ERAP1: variants seen among roughly 807,000 people sequenced by gnomAD.
ERAP1 encodes the protein adipocyte-derived leucine aminopeptidase.
ERAP1 carries 86 observed loss-of-function variants against 103.7 expected under a neutral mutation model. That is an observed-to-expected ratio of 0.83 (90% CI 0.70 to 0.99). The LOEUF (loss-of-function observed/expected upper bound fraction) is 0.99. Among genes scored for constraint, ERAP1 ranks in the 50% least tolerant of loss-of-function variants. The pLI is 0.00. For missense variants in ERAP1, 1,009 were observed against 1,128.4 expected, an observed-to-expected ratio of 0.89 and a Z score of 1.52; for synonymous variants, 398 against 402.4, an observed-to-expected ratio of 0.99 and a Z score of 0.13.
At chr5:96,923,460 C>T in the ERAP1 span, among the ~76,000 whole-genome samples, 3 of 152,032 alleles carry the variant, frequency 2.0e-5, no homozygotes, top group Non-Finnish European at 4.4e-5. Context: ...TTTGGGAGGC[C>T]GAGGCGGGCA....
rs1778842571 is a variant in ERAP1, at chr5:96,807,906, C to T, written c.-64G>A. ...CACCCTTGCGCCGCCGCCACCACCA[C>T]TGCCGCCGGCCTAGCTCCCCCAGGA... is the stretch of plus-strand genomic sequence containing the variant. On this transcript the variant is annotated 5_prime_UTR_variant, in exon 1 of 19. In the 5' UTR this introduces an upstream ATG that the reference lacks. Transcript: ENST00000443439. The T allele has an allele frequency of 9.1e-6, 9 of 986,286 alleles. No individual in the cohort carries two copies. Among genetic ancestry groups the T allele is most frequent in the Non-Finnish European group, 9.6e-6 (8 of 830,684 alleles). 61.1% of individuals were successfully genotyped at this position (986,286 alleles called of 1,614,324 possible).
At chr5:96,914,847 C>T in the ERAP1 span, among the ~76,000 whole-genome samples, 2 of 152,168 alleles carry the variant, frequency 1.3e-5, no homozygotes, top group South Asian at 4.2e-4. Context: ...AAGTGCAATA[C>T]ATTAGAGTGT....
At chr5:96,895,582 G>A in the ERAP1 span, among the ~76,000 whole-genome samples, 4 of 152,168 alleles carry the variant, frequency 2.6e-5, no homozygotes, top group Non-Finnish European at 5.9e-5. Flanking sequence ...TGTAAAGAGA[G>A]AAGGCAAACT....
chr5:96,777,530 G>A (rs1774510557), intron 18 of ERAP1, among the ~76,000 whole-genome samples: 1 of 152,118 alleles, frequency 6.6e-6, no homozygotes, highest in Admixed American at 6.6e-5. Context: ...AAAATTATAT[G>A]TCAATACAGT....
the ERAP1 span, among the ~76,000 whole-genome samples, chr5:96,912,295 G>A: frequency 6.6e-6 from 1 of 151,188 alleles, no homozygotes; most frequent in African/African-American, 2.4e-5. Flanking sequence ...ACCAATAGTG[G>A]CCACTAAATG....
chr5:96,866,181 A>C, the ERAP1 span, among the ~76,000 whole-genome samples: 14 of 152,188 alleles, frequency 9.2e-5, no homozygotes, highest in Non-Finnish European at 1.9e-4. Flanking sequence ...TTATTCTCTC[A>C]TTATGCCAAG....
At chr5:96,866,668 C>T in the ERAP1 span, among the ~76,000 whole-genome samples, 1 of 152,180 alleles carries the variant, frequency 6.6e-6, no homozygotes, top group African/African-American at 2.4e-5. Context: ...CATCACAAGG[C>T]ACCTTCTAGG....
chr5:96,829,215 A>G, the ERAP1 span, among the ~76,000 whole-genome samples: 2 of 152,206 alleles, frequency 1.3e-5, no homozygotes, highest in Admixed American at 1.3e-4. Flanking sequence ...TAACTTACAC[A>G]TGTATACAGA....
the ERAP1 span, chr5:96,889,358 T>G: frequency 6.3e-7 from 1 of 1,594,174 alleles, no homozygotes; most frequent in Non-Finnish European, 8.6e-7. Flanking sequence ...AAACTTGCTT[T>G]GATCTCTTCC....
At chr5:96,853,824 A>G in the ERAP1 span, among the ~76,000 whole-genome samples, 2 of 147,044 alleles carry the variant, frequency 1.4e-5, no homozygotes, top group Non-Finnish European at 3.0e-5. Context: ...AGTATGATCA[A>G]TCAACCTTAG....
At chr5:96,780,807 A>G (rs1325724788) in intron 17 of ERAP1, among the ~76,000 whole-genome samples, 1 of 152,212 alleles carries the variant, frequency 6.6e-6, no homozygotes, top group Admixed American at 6.5e-5. Flanking sequence ...GTGAGGAGGA[A>G]GGCTTCAGAT....
Position 96,783,058 on chromosome 5 carries a change from T to G in ERAP1, c.2278A>C (p.Asn760His). The change falls in exon 15 of 19, where the codon AAC becomes CAC. Residue 760 changes from asparagine (N) to histidine (H), a missense_variant. Coordinates refer to ENST00000443439, the MANE Select transcript of ERAP1 (RefSeq NM_001040458.3). ...TATTTAGTAAGGACTGACCTCAAGTTTCCATTGGATTCCTTCCACTTTCTG... is the reference window on the plus strand; with the variant it reads ...TATTTAGTAAGGACTGACCTCAAGTGTCCATTGGATTCCTTCCACTTTCTG... ...YFRKWKESNG[N>H]LSLPVDVTLA... 6.2e-7 allele frequency: 1 copy of G among 1,614,208 alleles called. No individual in the cohort carries two copies. Among genetic ancestry groups the G allele is most frequent in the South Asian group, 1.1e-5 (1 of 91,074 alleles).
intron 19 of ERAP1, among the ~76,000 whole-genome samples, chr5:96,763,637 A>G: frequency 6.6e-6 from 1 of 152,248 alleles, no homozygotes; most frequent in East Asian, 1.9e-4. Flanking sequence ...TGTCACTAAA[A>G]CAAGGTATAA....
chr5:96,891,510 TATATATGCCCATATAC>T, the ERAP1 span, among the ~76,000 whole-genome samples: 5 of 31,302 alleles, frequency 1.6e-4, no homozygotes, highest in African/African-American at 3.7e-4. Flanking sequence ...TATATATATA[TATATATGCCCATATAC>T]GGTATATATA....
chr5:96,811,114 A>AT (rs1389870380), upstream of ERAP1, among the ~76,000 whole-genome samples: 1 of 152,200 alleles, frequency 6.6e-6, no homozygotes, highest in African/African-American at 2.4e-5. Flanking sequence ...ATTTAAAAAA[A>AT]AATAATAATG....
At chr5:96,822,298 T>C in the ERAP1 span, among the ~76,000 whole-genome samples, 1 of 152,188 alleles carries the variant, frequency 6.6e-6, no homozygotes, top group Non-Finnish European at 1.5e-5. Context: ...CTGTCTAAAC[T>C]ACCTTCCCAG....
the ERAP1 span, among the ~76,000 whole-genome samples, chr5:96,863,392 C>T: frequency 3.9e-5 from 6 of 152,158 alleles, no homozygotes; most frequent in Admixed American, 3.9e-4. Context: ...AGCGGTTTCT[C>T]TCAGAGGCAT....
chr5:96,840,866 C>G, the ERAP1 span, among the ~76,000 whole-genome samples: 1 of 152,122 alleles, frequency 6.6e-6, no homozygotes, highest in Non-Finnish European at 1.5e-5. Context: ...CCACCACACC[C>G]AGCTAATTTT....
chr5:96,818,426 C>CT, the ERAP1 span, among the ~76,000 whole-genome samples: 45 of 147,990 alleles, frequency 3.0e-4, no homozygotes, highest in African/African-American at 5.5e-4. Context: ...AGGGAAGCCT[C>CT]TTTTTTTTTT....
Sources: allele counts gnomAD v4.1 joint callset (sites outside exome capture counted in the v4.1 genomes callset), GRCh38; gene constraint gnomAD v4.1.1; transcripts MANE v1.5; gene names NCBI Gene and HGNC (gene_info 2026-07-23, HGNC 2026-07-21).